Variants in OOSP2 observed in about 807,000 individuals in gnomAD.
OOSP2 encodes oocyte secreted protein 2, also known as oocyte-secreted protein 2.
In OOSP2, 7 loss-of-function variants were observed where a neutral mutation model predicts 13.4. The observed-to-expected ratio is 0.52, with a 90% CI of 0.30 to 0.98. The LOEUF (loss-of-function observed/expected upper bound fraction) is 0.98. Among genes scored for constraint, OOSP2 ranks in the 50% least tolerant of loss-of-function variants. The probability of loss-of-function intolerance (pLI) is 0.07; values close to 1 mark genes in which losing one functional copy is unlikely to be tolerated. For synonymous variants in OOSP2, 75 were observed against 67.2 expected (o/e 1.12, Z -0.57); for missense variants, 184 against 188.5 (o/e 0.98, Z 0.14).
intron 3 of OOSP2, among the ~76,000 whole-genome samples, chr11:60,046,050 C>G (rs61903625): frequency 2.1e-5 from 3 of 146,054 alleles, no homozygotes; most frequent in Non-Finnish European, 4.5e-5. Context: ...CTGTCTGTCT[C>G]TCTGTCTTTG....
At chr11:60,043,196 G>A (rs989662264) in intron 1 of OOSP2, among the ~76,000 whole-genome samples, 7 of 152,258 alleles carry the variant, frequency 4.6e-5, no homozygotes, top group African/African-American at 9.6e-5. Flanking sequence ...CAGCCACTGC[G>A]CCCGGCCCAT....
At position 60,046,706 on chromosome 11, in the gene OOSP2, C is replaced by G. The variant is rs74997805; in HGVS notation, c.348-238C>G. 2,610 of 624,802 alleles carry G rather than the reference C, an allele frequency of 4.2e-3. 63 individuals are homozygous for G. In the African/African-American group the frequency reaches 0.043, roughly 10 times the overall value. The allele number at this position is 624,802 out of a possible 1,614,324, so 38.7% of individuals were successfully genotyped here. ...AAATTATCTAAGACCATTCGTCTTTCTACTCAGTGTTTGATGCAGAAATCA... is the reference window on the plus strand; with the variant it reads ...AAATTATCTAAGACCATTCGTCTTTGTACTCAGTGTTTGATGCAGAAATCA... On this transcript the variant is annotated intron_variant, in intron 3 of 3. Coordinates refer to ENST00000278855, the MANE Select transcript of OOSP2 (RefSeq NM_173801.5).
chr11:60,047,235 G>C lies in OOSP2; in HGVS notation c.*162G>C. The C allele has an allele frequency of 3.6e-6, 2 of 556,212 alleles. No individual in the cohort carries two copies. The allele number at this position is 556,212 out of a possible 1,614,324, so 34.5% of individuals were successfully genotyped here. A position where few individuals can be genotyped will look rare whatever the true frequency, so the allele number is the denominator to read the frequency against. On this transcript the variant is annotated 3_prime_UTR_variant, in exon 4 of 4. Transcript: ENST00000278855. ...GGTCCTGATTAGTTGATTAGTGAAT[G>C]TGTATTTCTAAATATTTGTATTCAG...
intron 1 of OOSP2, among the ~76,000 whole-genome samples, chr11:60,042,143 C>T (rs1854942822): frequency 6.6e-6 from 1 of 152,130 alleles, no homozygotes; most frequent in Non-Finnish European, 1.5e-5. Context: ...AAAAAACCCC[C>T]CCAAAACTCG....
At chr11:60,045,155 T>C (rs762770193) in intron 3 of OOSP2, among the ~76,000 whole-genome samples, 1 of 152,146 alleles carries the variant, frequency 6.6e-6, no homozygotes, top group African/African-American at 2.4e-5. Flanking sequence ...TGATACATTT[T>C]ATTGCTCAAT....
intron 3 of OOSP2, among the ~76,000 whole-genome samples, chr11:60,046,496 G>T (rs1855009939): frequency 6.6e-6 from 1 of 152,066 alleles, no homozygotes; most frequent in Non-Finnish European, 1.5e-5. Flanking sequence ...GGTTTTGGGT[G>T]CATGAATTTT....
intron 3 of OOSP2, among the ~76,000 whole-genome samples, chr11:60,045,056 G>T (rs770276571): frequency 6.6e-6 from 1 of 152,050 alleles, no homozygotes; most frequent in Non-Finnish European, 1.5e-5. Flanking sequence ...CAACTACAAA[G>T]CAGAGTCATT....
intron 3 of OOSP2, among the ~76,000 whole-genome samples, chr11:60,046,312 G>T (rs1019347809): frequency 6.6e-6 from 1 of 151,956 alleles, no homozygotes; most frequent in South Asian, 2.1e-4. Flanking sequence ...ACTACCCAAA[G>T]CTTGGAGCAA....
At chr11:60,042,451 A>G (rs1348970373) in intron 1 of OOSP2, among the ~76,000 whole-genome samples, 1 of 152,206 alleles carries the variant, frequency 6.6e-6, no homozygotes, top group Admixed American at 6.5e-5. Context: ...CGGAACTTCC[A>G]AGCTCCAGTG....
chr11:60,043,180 A>T (rs1202916389), intron 1 of OOSP2, among the ~76,000 whole-genome samples: 2 of 152,228 alleles, frequency 1.3e-5, no homozygotes, highest in Non-Finnish European at 2.9e-5. Flanking sequence ...CTGGGATTAC[A>T]GGCGTCAGCC....
chr11:60,045,479 A>G (rs1258659556), intron 3 of OOSP2, among the ~76,000 whole-genome samples: 2 of 152,094 alleles, frequency 1.3e-5, no homozygotes, highest in African/African-American at 2.4e-5. Flanking sequence ...CTTGCTTAAT[A>G]TGTGAAAATA....
chr11:60,043,137 C>T (rs1228546376), intron 1 of OOSP2, among the ~76,000 whole-genome samples: 2 of 152,122 alleles, frequency 1.3e-5, no homozygotes, highest in African/African-American at 4.8e-5. Context: ...ATCTCCTGAC[C>T]TTGTAATGCG....
chr11:60,041,997 T>C (rs1590601085), intron 1 of OOSP2, among the ~76,000 whole-genome samples: 1 of 151,688 alleles, frequency 6.6e-6, no homozygotes, highest in Non-Finnish European at 1.5e-5. Context: ...CTGTAGCCTG[T>C]AGTCCCAGCT....
chr11:60,046,814 A>G (rs2276044), intron 3 of OOSP2, 130 bp from the exon 4 acceptor site: 237,629 of 818,056 alleles, frequency 0.29, 38,223 homozygotes, highest in Admixed American at 0.5. Flanking sequence ...TCTAGAAGGC[A>G]TAGTATGCTG....
In OOSP2 at chr11:60,043,529, G is replaced by A. The variant is rs761830747; in HGVS notation, c.125G>A (p.Arg42Lys). 2.6e-5 allele frequency: 42 copies of A among 1,613,006 alleles called. 1 individual carries two copies. The highest frequency in any genetic ancestry group is 3.3e-5 in the Non-Finnish European group (39 of 1,179,106). Reference protein sequence around the residue: ...MVSVIPVAESRNLYIFADELH... With the variant: ...MVSVIPVAESKNLYIFADELH... ...TCAGTTATCCCAGTTGCAGAAAGCA[G>A]AAATCTGTATATATTTGCGGATGAA... Residue 42 changes from arginine (R) to lysine (K), a missense_variant, in exon 2 of 4, where the codon AGA becomes AAA. Physicochemically the swap from Arg to Lys is conservative, Grantham distance 26. Coordinates refer to ENST00000278855, the MANE Select transcript of OOSP2 (RefSeq NM_173801.5).
At chr11:60,044,852 A>G in intron 3 of OOSP2, 78 bp downstream of exon 3, 2 of 640,760 alleles carry the variant, frequency 3.1e-6, no homozygotes, top group East Asian at 5.3e-5. Context: ...AGAAGCATAG[A>G]CTTTAGAGAA....
chr11:60,042,859 T>C (rs908889818), intron 1 of OOSP2, among the ~76,000 whole-genome samples: 1 of 152,112 alleles, frequency 6.6e-6, no homozygotes, highest in Admixed American at 6.6e-5. Context: ...CCATGGAATA[T>C]TTAGGAAATA....
chr11:60,043,899 C>G (rs1223960382), intron 2 of OOSP2, among the ~76,000 whole-genome samples: 4 of 152,140 alleles, frequency 2.6e-5, no homozygotes, highest in Non-Finnish European at 5.9e-5. Flanking sequence ...TTATATTTTA[C>G]TAAATATTAG....
intron 1 of OOSP2, among the ~76,000 whole-genome samples, chr11:60,042,980 C>A (rs1854956143): frequency 6.6e-6 from 1 of 152,084 alleles, no homozygotes; most frequent in East Asian, 1.9e-4. Flanking sequence ...TCTTGGTTCA[C>A]TGCAAGCCCC....
Sources: allele counts gnomAD v4.1 joint callset (sites outside exome capture counted in the v4.1 genomes callset), GRCh38; gene constraint gnomAD v4.1.1; transcripts MANE v1.5; gene names NCBI Gene and HGNC (gene_info 2026-07-23, HGNC 2026-07-21).